Variants in CERS6 observed in about 807,000 individuals in gnomAD.
CERS6 encodes the protein ceramide synthase 6, also known as LAG1 homolog, ceramide synthase 6.
In CERS6, 26 loss-of-function variants were observed where a neutral mutation model predicts 56.8. The ratio of observed to expected loss-of-function variants is 0.46; its 90% CI spans 0.34 to 0.63. The LOEUF (loss-of-function observed/expected upper bound fraction) is 0.63, where lower values mean the gene tolerates loss of function less well. Ranked by LOEUF, CERS6 falls within the 30% of genes least tolerant of loss-of-function variation. The pLI, the probability that CERS6 is intolerant of heterozygous loss-of-function variation, is 0.01. For missense variants in CERS6, 415 were observed against 467.5 expected (o/e 0.89, Z 1.04); for synonymous variants, 164 against 173.3 (o/e 0.95, Z 0.42).
At chr2:168,487,776 C>T (rs1198326432) in intron 1 of CERS6, among the ~76,000 whole-genome samples, 2 of 152,172 alleles carry the variant, frequency 1.3e-5, no homozygotes, top group Non-Finnish European at 2.9e-5. Context: ...GGCTGGAGCA[C>T]AATCATAGCT....
At chr2:168,719,787 C>T (rs1687314087) in intron 8 of CERS6, among the ~76,000 whole-genome samples, 1 of 152,240 alleles carries the variant, frequency 6.6e-6, no homozygotes, top group Middle Eastern at 3.4e-3. Context: ...ACAATACATC[C>T]TTCTAGAACA....
intron 5 of CERS6, among the ~76,000 whole-genome samples, chr2:168,691,304 A>G (rs1686495990): frequency 6.6e-6 from 1 of 152,182 alleles, no homozygotes; most frequent in African/African-American, 2.4e-5. Flanking sequence ...AGATGGAGTC[A>G]GCTTGGAAAG....
chr2:168,543,189 T>C (rs1311529001), intron 1 of CERS6, among the ~76,000 whole-genome samples: 1 of 152,252 alleles, frequency 6.6e-6, no homozygotes, highest in African/African-American at 2.4e-5. Flanking sequence ...ACATCCTTAT[T>C]ATGTTTACTT....
At chr2:168,701,582 A>C (rs961417281) in intron 6 of CERS6, among the ~76,000 whole-genome samples, 2 of 152,206 alleles carry the variant, frequency 1.3e-5, no homozygotes, top group African/African-American at 2.4e-5. Context: ...GTTTCACCTG[A>C]GAATGTTCTT....
At chr2:168,531,657 A>T (rs936177063) in intron 1 of CERS6, among the ~76,000 whole-genome samples, 1 of 152,112 alleles carries the variant, frequency 6.6e-6, no homozygotes, top group Non-Finnish European at 1.5e-5. Context: ...CCCCGTCTCT[A>T]CTAAAAATAC....
intron 3 of CERS6, among the ~76,000 whole-genome samples, chr2:168,600,010 A>G (rs941656517): frequency 1.4e-4 from 22 of 152,116 alleles, no homozygotes; most frequent in African/African-American, 5.1e-4. Context: ...TGATACAGTG[A>G]TGCTTACCTC....
intron 8 of CERS6, among the ~76,000 whole-genome samples, chr2:168,753,090 CATCTT>C (rs1222006364): frequency 3.3e-5 from 5 of 152,130 alleles, no homozygotes; most frequent in African/African-American, 1.2e-4. Flanking sequence ...CTTTAGTAAA[CATCTT>C]GTCTTAGGCT....
At chr2:168,572,069 C>G (rs1284112688) in intron 3 of CERS6, among the ~76,000 whole-genome samples, 1 of 152,120 alleles carries the variant, frequency 6.6e-6, no homozygotes, top group African/African-American at 2.4e-5. Context: ...CTTGGTACAC[C>G]ATGACACACA....
intron 1 of CERS6, among the ~76,000 whole-genome samples, chr2:168,503,850 T>C (rs1251166983): frequency 1.3e-5 from 2 of 152,046 alleles, no homozygotes; most frequent in Non-Finnish European, 2.9e-5. Flanking sequence ...CATATAGAAG[T>C]TGTGCCATCA....
At chr2:168,722,126 T>G (rs891943695) in intron 8 of CERS6, among the ~76,000 whole-genome samples, 1 of 152,348 alleles carries the variant, frequency 6.6e-6, no homozygotes, top group Middle Eastern at 3.4e-3. Flanking sequence ...CTTTTTATTG[T>G]TGTAAAAGTT....
chr2:168,681,194 G>A lies in CERS6; in HGVS notation c.466-9840G>A, dbSNP rs540066824. 3.3e-5 allele frequency among the ~76,000 whole-genome samples: 5 copies of A among 152,350 alleles called. No homozygotes were observed. The East Asian group carries it at 7.7e-4, about 23-fold the overall frequency. On this transcript the variant is annotated intron_variant, in intron 4 of 9. Transcript: ENST00000305747. Reference sequence around the variant, plus strand: ...ATCTTGGAAGGTGAGAGCAAGTTGGGTGGGTGGCAGAATAGTTAATTATCA... The same window carrying A: ...ATCTTGGAAGGTGAGAGCAAGTTGGATGGGTGGCAGAATAGTTAATTATCA...
At chr2:168,621,944 C>T (rs961392262) in intron 3 of CERS6, among the ~76,000 whole-genome samples, 2 of 152,138 alleles carry the variant, frequency 1.3e-5, no homozygotes, top group African/African-American at 2.4e-5. Flanking sequence ...TATGACGTTT[C>T]TAAGTATGAG....
chr2:168,567,891 G>A (rs1301133331), intron 3 of CERS6, among the ~76,000 whole-genome samples: 3 of 152,226 alleles, frequency 2.0e-5, no homozygotes, highest in Non-Finnish European at 4.4e-5. Flanking sequence ...AGGCAGCATT[G>A]CTTTCATTAC....
chr2:168,583,047 AT>A (rs778827180), intron 3 of CERS6: 160 of 152,922 alleles, frequency 1.0e-3, no homozygotes, highest in Middle Eastern at 8.6e-3. Context: ...AAAATAATGC[AT>A]AGACAAATGT....
At chr2:168,470,432 C>T (rs1448736607) in intron 1 of CERS6, among the ~76,000 whole-genome samples, 52 of 152,032 alleles carry the variant, frequency 3.4e-4, no homozygotes. Context: ...TGTTGCCTGC[C>T]CCCACTGTCC....
chr2:168,462,600 A>G (rs1693798147), intron 1 of CERS6, among the ~76,000 whole-genome samples: 1 of 152,196 alleles, frequency 6.6e-6, no homozygotes, highest in Non-Finnish European at 1.5e-5. Context: ...GCTTGAGTGC[A>G]GTGCCATAAC....
intron 1 of CERS6, among the ~76,000 whole-genome samples, chr2:168,486,909 C>G (rs1487834568): frequency 1.3e-5 from 2 of 152,088 alleles, no homozygotes; most frequent in Non-Finnish European, 2.9e-5. Context: ...CCGCTAATGT[C>G]AAACCTATTT....
At chr2:168,743,609 C>A (rs1022598008) in intron 8 of CERS6, among the ~76,000 whole-genome samples, 1 of 152,086 alleles carries the variant, frequency 6.6e-6, no homozygotes, top group Non-Finnish European at 1.5e-5. Flanking sequence ...TTTATATAAC[C>A]TTCTCTAGTG....
At chr2:168,665,053 T>G (rs1463043917) in intron 4 of CERS6, among the ~76,000 whole-genome samples, 1 of 152,090 alleles carries the variant, frequency 6.6e-6, no homozygotes, top group African/African-American at 2.4e-5. Context: ...TTTCTTTGAG[T>G]TTTTCTCTTC....
Sources: allele counts gnomAD v4.1 joint callset (sites outside exome capture counted in the v4.1 genomes callset), GRCh38; gene constraint gnomAD v4.1.1; transcripts MANE v1.5; gene names NCBI Gene and HGNC (gene_info 2026-07-23, HGNC 2026-07-21).